The following DGLUCY variants were observed in gnomAD, a reference collection of about 807,000 sequenced individuals.
DGLUCY encodes the protein D-glutamate cyclase, mitochondrial.
In DGLUCY, 58 loss-of-function variants were observed where a neutral mutation model predicts 58.5. That is an observed-to-expected ratio of 0.99 (90% CI 0.80 to 1.23). The LOEUF (loss-of-function observed/expected upper bound fraction) is 1.23. Ranked by LOEUF, DGLUCY falls within the 50% of genes most tolerant of loss-of-function variation. The pLI, the probability that DGLUCY is intolerant of heterozygous loss-of-function variation, is 0.00. For synonymous variants in DGLUCY, 325 were observed against 314.1 expected, an observed-to-expected ratio of 1.03 and a Z score of -0.37; for missense variants, 779 against 784.7, an observed-to-expected ratio of 0.99 and a Z score of 0.09.
rs754989441 is a variant in DGLUCY, at chr14:91,176,030, C to G, written c.704C>G (p.Thr235Ser). The stretch of plus-strand genomic sequence containing the variant: ...CCAGTGTTCTGGCCTTCTCCGCTGA[C>G]CAGTCTCGGAGCTGTCAGCAGCTGT... ...EVPVFWPSPL[T>S]SLGAVSSCET... The change falls in exon 7 of 14, where the codon ACC becomes AGC. Residue 235 changes from threonine to serine, a missense_variant. Coordinates refer to ENST00000256324, the MANE Select transcript of DGLUCY (RefSeq NM_001102368.3). 1.6e-5 allele frequency: 26 copies of G among 1,613,938 alleles called. No homozygotes were observed. The highest frequency in any genetic ancestry group is 2.1e-5 in the Non-Finnish European group (25 of 1,179,936).
In DGLUCY at chr14:91,071,350, A is replaced by AAG. The variant is rs1418003069; in HGVS notation, c.-82+10647_-82+10648insGA. The stretch of plus-strand genomic sequence containing the variant: ...AGATTCCACCAAAAAAAAAAAAAAA[A>AAG]AAGAAGTCTAAAGGCTGTTGGCAGT... On this transcript the variant is annotated intron_variant, in intron 1 of 4. Transcript: ENST00000521334. Among the ~76,000 whole-genome samples the AAG allele has an allele frequency of 4.6e-5, 7 of 151,738 alleles. 1 individual carries two copies. The South Asian group carries it at 6.2e-4, about 14-fold the overall frequency.
At chr14:91,073,407 C>T (rs950198552) in intron 1 of DGLUCY, among the ~76,000 whole-genome samples, 4 of 152,204 alleles carry the variant, frequency 2.6e-5, no homozygotes, top group African/African-American at 9.7e-5. Flanking sequence ...TGCCACTATA[C>T]TCCAGCCTGG....
intron 1 of DGLUCY, chr14:91,114,859 C>T (rs1385073586): frequency 6.6e-6 from 1 of 152,326 alleles, no homozygotes; most frequent in Non-Finnish European, 1.5e-5. Flanking sequence ...TCTGTAAATC[C>T]TCGCCAAGTC....
At chr14:91,170,272 G>C in intron 5 of DGLUCY, 71 bp downstream of exon 5, 1 of 1,519,296 alleles carries the variant, frequency 6.6e-7, no homozygotes, top group Middle Eastern at 1.9e-4. Context: ...ATATTCCTGG[G>C]GTGGGGAGAA....
intron 1 of DGLUCY, among the ~76,000 whole-genome samples, chr14:91,093,663 A>T (rs376641239): frequency 1.3e-5 from 2 of 151,870 alleles, no homozygotes; most frequent in East Asian, 1.9e-4. Flanking sequence ...AAGTGAACCA[A>T]TTGTGTTGGT....
intron 12 of DGLUCY, among the ~76,000 whole-genome samples, chr14:91,214,243 C>G (rs1886169892): frequency 6.6e-6 from 1 of 152,052 alleles, no homozygotes; most frequent in African/African-American, 2.4e-5. Flanking sequence ...GTGCACAGTC[C>G]CTCCTCTCCT....
chr14:91,194,782 G>T (rs779231064), intron 9 of DGLUCY, among the ~76,000 whole-genome samples: 1 of 152,078 alleles, frequency 6.6e-6, no homozygotes, highest in Non-Finnish European at 1.5e-5. Flanking sequence ...CTCGTGATCT[G>T]CCCGCCTCAG....
At chr14:91,122,653 A>G (rs2045451714) in intron 1 of DGLUCY, among the ~76,000 whole-genome samples, 1 of 127,126 alleles carries the variant, frequency 7.9e-6, no homozygotes, top group African/African-American at 3.0e-5. Flanking sequence ...CCCAGACTGG[A>G]GTGAAGTGGC....
intron 7 of DGLUCY, among the ~76,000 whole-genome samples, chr14:91,180,547 G>A (rs142221841): frequency 0.01 from 1,563 of 150,314 alleles, 14 homozygotes; most frequent in Non-Finnish European, 0.017. Flanking sequence ...ACTCCAGCCT[G>A]GGTGACACAA....
At chr14:91,061,689 A>AGAAG (rs949107931) in intron 1 of DGLUCY, among the ~76,000 whole-genome samples, 1 of 152,234 alleles carries the variant, frequency 6.6e-6, no homozygotes, top group African/African-American at 2.4e-5. Flanking sequence ...CCTACAGCAG[A>AGAAG]GAAGGCAAGG....
chr14:91,170,692 G>A (rs111823071), intron 5 of DGLUCY, among the ~76,000 whole-genome samples: 2,515 of 152,150 alleles, frequency 0.017, 66 homozygotes, highest in African/African-American at 0.056. Flanking sequence ...CAGCACAGCC[G>A]GCGTCTCTGG....
intron 1 of DGLUCY, among the ~76,000 whole-genome samples, chr14:91,139,913 G>A (rs1213779223): frequency 6.6e-6 from 1 of 152,188 alleles, no homozygotes; most frequent in South Asian, 2.1e-4. Flanking sequence ...GCAGGATGGA[G>A]GGGGAAGAGG....
intron 9 of DGLUCY, 24 bp from the exon 10 acceptor site, chr14:91,196,351 G>A (rs1313603072): frequency 1.2e-6 from 2 of 1,602,970 alleles, no homozygotes; most frequent in Non-Finnish European, 1.7e-6. Context: ...GCTGATGTGT[G>A]CCCTGCTTGC....
chr14:91,101,953 A>G (rs1333201320), intron 1 of DGLUCY, among the ~76,000 whole-genome samples: 1 of 152,130 alleles, frequency 6.6e-6, no homozygotes, highest in Non-Finnish European at 1.5e-5. Flanking sequence ...TTGGCCTCCC[A>G]AAGTGTTGAA....
At chr14:91,144,442 C>T (rs1273751428) in intron 1 of DGLUCY, among the ~76,000 whole-genome samples, 1 of 152,152 alleles carries the variant, frequency 6.6e-6, no homozygotes, top group Admixed American at 6.5e-5. Context: ...TGCCTGTAGT[C>T]CCAGCTACTA....
chr14:91,131,905 T>G (rs1031043267), intron 1 of DGLUCY, among the ~76,000 whole-genome samples: 1 of 152,194 alleles, frequency 6.6e-6, no homozygotes, highest in African/African-American at 2.4e-5. Context: ...GTAATTCTCT[T>G]GCATCAGCCT....
At chr14:91,073,003 A>T (rs1040042680) in intron 1 of DGLUCY, among the ~76,000 whole-genome samples, 2 of 151,628 alleles carry the variant, frequency 1.3e-5, no homozygotes, top group Non-Finnish European at 2.9e-5. Context: ...CAAAAAAAAT[A>T]AAAAACATAA....
chr14:91,178,769 G>A (rs756745693), intron 7 of DGLUCY, among the ~76,000 whole-genome samples: 53 of 152,236 alleles, frequency 3.5e-4, no homozygotes, highest in Non-Finnish European at 6.5e-4. Flanking sequence ...GGTGGCTTAC[G>A]CCTGTAATCC....
chr14:91,075,973 C>T (rs1339481458), intron 1 of DGLUCY, among the ~76,000 whole-genome samples: 2 of 151,930 alleles, frequency 1.3e-5, no homozygotes, highest in African/African-American at 2.4e-5. Context: ...ATTAGCTGGG[C>T]GTGGTGGTGG....
Sources: gnomAD v4.1 joint callset for allele counts (sites outside exome capture counted in the v4.1 genomes callset) on GRCh38, gnomAD v4.1.1 for gene constraint, MANE v1.5 for transcripts, NCBI Gene and HGNC (gene_info 2026-07-23, HGNC 2026-07-21) for gene names.